The following DDC variants were observed in gnomAD, a reference collection of about 807,000 sequenced individuals.
The protein encoded by DDC is dopa decarboxylase, also known as aromatic-L-amino-acid decarboxylase.
Under a neutral mutation model 60.0 loss-of-function variants are expected in DDC, and 43 were observed. The observed-to-expected ratio is 0.72, with a 90% CI of 0.56 to 0.92. DDC has a LOEUF of 0.92. DDC is among the 40% of genes least tolerant of loss of function. DDC has a pLI of 0.00. For synonymous variants in DDC, 232 were observed against 234.6 expected (o/e 0.99, Z 0.10); for missense variants, 573 against 620.2 (o/e 0.92, Z 0.81).
In DDC at chr7:50,524,025, A is replaced by G. The variant is rs77697210; in HGVS notation, c.714+4112T>C. ...AACTAGTACAAAAAGACATGGAGGA[A>G]ACTTAAATACATGTTAGTGAAATAA... On this transcript the variant is annotated intron_variant, in intron 6 of 14. Transcript: ENST00000444124. Among the ~76,000 whole-genome samples the G allele has an allele frequency of 9.9e-3, 1,504 of 152,348 alleles. 26 individuals are homozygous for G. The highest frequency in any genetic ancestry group is 0.033 in the African/African-American group (1,378 of 41,580).
chr7:50,512,456 T>C (rs1343832079), intron 6 of DDC, among the ~76,000 whole-genome samples: 6 of 152,218 alleles, frequency 3.9e-5, no homozygotes, highest in Non-Finnish European at 5.9e-5. Context: ...GCAACTTCAA[T>C]ATAAGGGTTG....
In DDC at chr7:50,499,153, C is replaced by G; in HGVS notation, c.871G>C (p.Val291Leu). 1 of 1,612,764 alleles carries G rather than the reference C, an allele frequency of 6.2e-7. No homozygotes were observed. Among genetic ancestry groups the G allele is most frequent in the South Asian group, 1.1e-5 (1 of 91,042 alleles). ...AGAGCGAAGGGTGCACCTACCTCCACTCCATTCAGAAGGTGCCGGAACTCA... is the reference window on the plus strand; with the variant it reads ...AGAGCGAAGGGTGCACCTACCTCCAGTCCATTCAGAAGGTGCCGGAACTCA... ...CPEFRHLLNG[V>L]EFADSFNFNP... Residue 291 changes from valine (V) to leucine (L), a missense_variant, in exon 8 of 15, where the codon GTG (valine) becomes CTG (leucine). Transcript: ENST00000444124.
intron 6 of DDC, among the ~76,000 whole-genome samples, chr7:50,507,021 A>C (rs762344582): frequency 6.6e-6 from 1 of 152,226 alleles, no homozygotes; most frequent in Non-Finnish European, 1.5e-5. Flanking sequence ...ACTTTGTCTA[A>C]GACACCTGGC....
chr7:50,482,829 C>T (rs2042798962), intron 9 of DDC, among the ~76,000 whole-genome samples: 1 of 152,088 alleles, frequency 6.6e-6, no homozygotes, highest in South Asian at 2.1e-4. Context: ...ATTACACATA[C>T]TGTTTAATGT....
intron 7 of DDC, among the ~76,000 whole-genome samples, chr7:50,500,976 A>T (rs79359252): frequency 0.013 from 2,016 of 152,256 alleles, 50 homozygotes; most frequent in African/African-American, 0.047. Context: ...TGCATTCTGC[A>T]TCTCATATGT....
chr7:50,562,929 G>T (rs1024259886), intron 1 of DDC, among the ~76,000 whole-genome samples: 1 of 152,178 alleles, frequency 6.6e-6, no homozygotes, highest in Non-Finnish European at 1.5e-5. Flanking sequence ...GCCTTTGGGA[G>T]GCCAAGGTGG....
At chr7:50,510,734 C>A (rs955609316) in intron 6 of DDC, among the ~76,000 whole-genome samples, 23 of 150,058 alleles carry the variant, frequency 1.5e-4, no homozygotes, top group Admixed American at 1.1e-3. Flanking sequence ...GTAATCACAG[C>A]ACTTTGGGAG....
At chr7:50,501,168 CTCTT>C (rs1165017246) in intron 7 of DDC, among the ~76,000 whole-genome samples, 1 of 152,250 alleles carries the variant, frequency 6.6e-6, no homozygotes, top group African/African-American at 2.4e-5. Context: ...CTGTCAGTGA[CTCTT>C]TCCTTCTGAG....
chr7:50,546,123 T>A (rs555028614), intron 1 of DDC, among the ~76,000 whole-genome samples: 8 of 152,300 alleles, frequency 5.3e-5, no homozygotes, highest in African/African-American at 1.9e-4. Context: ...TACTCTAAAT[T>A]CACTGTTATT....
rs555366514 is a variant in DDC, at chr7:50,460,408, TG to T, written c.*19-1566del. ...CCAGCCGCCCCATCCGGGAGGAAGG[TG>T]GGGGGGTCAGCCCCCTGCCCGGCCA... is the stretch of plus-strand genomic sequence containing the variant. On this transcript the variant is annotated intron_variant, in intron 14 of 14. Transcript: ENST00000444124. Among the ~76,000 whole-genome samples the T allele has an allele frequency of 5.5e-4, 78 of 141,194 alleles. 3 individuals are homozygous for T. Among genetic ancestry groups the T allele is most frequent in the African/African-American group, 2.0e-3 (71 of 35,944 alleles). The allele number at this position is 141,194 out of a possible 152,430, so 92.6% of individuals were successfully genotyped here.
intron 6 of DDC, among the ~76,000 whole-genome samples, chr7:50,511,477 C>A (rs1369177209): frequency 6.6e-6 from 1 of 152,030 alleles, no homozygotes; most frequent in Non-Finnish European, 1.5e-5. Context: ...ACTAGCCTGG[C>A]CAACACTTTG....
chr7:50,509,935 T>G (rs1043218818), intron 6 of DDC, among the ~76,000 whole-genome samples: 1 of 152,098 alleles, frequency 6.6e-6, no homozygotes, highest in Non-Finnish European at 1.5e-5. Context: ...ATAAGTAAAT[T>G]TTCTCATTTA....
chr7:50,531,330 GC>G (rs575005803), intron 4 of DDC, among the ~76,000 whole-genome samples: 14 of 151,800 alleles, frequency 9.2e-5, no homozygotes, highest in Middle Eastern at 3.4e-3. Context: ...CCCCCTATCT[GC>G]CCCCACACAC....
At chr7:50,561,980 T>G (rs1258276491) in intron 1 of DDC, among the ~76,000 whole-genome samples, 1 of 151,950 alleles carries the variant, frequency 6.6e-6, no homozygotes, top group Non-Finnish European at 1.5e-5. Flanking sequence ...CACACACACA[T>G]GCACACACAC....
chr7:50,530,308 G>A (rs974529222), intron 4 of DDC, among the ~76,000 whole-genome samples: 3 of 152,058 alleles, frequency 2.0e-5, no homozygotes, highest in Admixed American at 2.0e-4. Context: ...ACATGTGGGT[G>A]CACAGAGGGA....
At chr7:50,508,354 G>A (rs2043457031) in intron 6 of DDC, among the ~76,000 whole-genome samples, 1 of 152,208 alleles carries the variant, frequency 6.6e-6, no homozygotes, top group Admixed American at 6.5e-5. Flanking sequence ...GGAGGGGTAG[G>A]GGACAGTTCA....
chr7:50,514,073 AC>A (rs1381187219), intron 6 of DDC, among the ~76,000 whole-genome samples: 1 of 151,862 alleles, frequency 6.6e-6, no homozygotes, highest in Non-Finnish European at 1.5e-5. Context: ...AGTCCATTGC[AC>A]CCCCTCCCCA....
At chr7:50,492,730 G>A (rs1585177350) in intron 9 of DDC, 14 of 1,372,008 alleles carry the variant, frequency 1.0e-5, no homozygotes, top group Middle Eastern at 5.6e-4. Flanking sequence ...ATCCCTGTGT[G>A]TCCTGTGTCT....
Position 50,496,588 on chromosome 7 carries a change from G to A in DDC, c.877-1171C>T, listed in dbSNP as rs145747427. Among the ~76,000 whole-genome samples the A allele has an allele frequency of 1.5e-3, 222 of 152,198 alleles. 3 individuals are homozygous for A. Among genetic ancestry groups the A allele is most frequent in the Middle Eastern group, 3.4e-3 (1 of 294 alleles). On this transcript the variant is annotated intron_variant, in intron 8 of 14. Coordinates refer to ENST00000444124, the MANE Select transcript of DDC (RefSeq NM_001082971.2). Reference sequence around the variant, plus strand: ...GGACACTCTGCATTTTCCCTGAGCTGTCATAAATGGTGCTTTCTTTTTCAA... The same window carrying A: ...GGACACTCTGCATTTTCCCTGAGCTATCATAAATGGTGCTTTCTTTTTCAA...
Sources: gnomAD v4.1 joint callset for allele counts (sites outside exome capture counted in the v4.1 genomes callset) on GRCh38, gnomAD v4.1.1 for gene constraint, MANE v1.5 for transcripts, NCBI Gene and HGNC (gene_info 2026-07-23, HGNC 2026-07-21) for gene names.